Variants in MMP20 observed in about 807,000 individuals in gnomAD.
MMP20 encodes matrix metalloproteinase-20.
MMP20 carries 50 observed loss-of-function variants against 51.8 expected under a neutral mutation model. That is an observed-to-expected ratio of 0.97 (90% CI 0.77 to 1.22). The LOEUF is 1.22. Ranked by LOEUF, MMP20 falls within the 50% of genes most tolerant of loss-of-function variation. MMP20 has a pLI of 0.00. For missense variants in MMP20, 663 were observed against 601.4 expected (o/e 1.10, Z -1.07); for synonymous variants, 244 against 216.2 (o/e 1.13, Z -1.13).
chr11:102,588,703 G>C (rs779528315), intron 8 of MMP20, among the ~76,000 whole-genome samples: 10 of 151,448 alleles, frequency 6.6e-5, no homozygotes, highest in Admixed American at 2.0e-4. Context: ...ATTTTTGTGG[G>C]GGCTTGAATT....
At chr11:102,583,311 T>G (rs1474437673) in intron 8 of MMP20, among the ~76,000 whole-genome samples, 2 of 152,196 alleles carry the variant, frequency 1.3e-5, no homozygotes, top group Non-Finnish European at 2.9e-5. Flanking sequence ...TCTCTCTTAT[T>G]TAAACAATTC....
chr11:102,612,191 G>A (rs1185809065), intron 2 of MMP20, among the ~76,000 whole-genome samples: 6 of 152,208 alleles, frequency 3.9e-5, no homozygotes, highest in Non-Finnish European at 7.3e-5. Flanking sequence ...GTGGCCGGGC[G>A]CAGTGGCTCA....
At chr11:102,589,314 C>T (rs1228541103) in intron 8 of MMP20, among the ~76,000 whole-genome samples, 5 of 152,234 alleles carry the variant, frequency 3.3e-5, no homozygotes, top group Non-Finnish European at 5.9e-5. Context: ...TCAGCCATCA[C>T]TTCCTCTAAG....
chr11:102,586,609 C>T (rs890670239), intron 8 of MMP20, among the ~76,000 whole-genome samples: 2 of 151,900 alleles, frequency 1.3e-5, no homozygotes, highest in Non-Finnish European at 2.9e-5. Context: ...GTCAGGAGAT[C>T]GAGACCATCC....
intron 2 of MMP20, among the ~76,000 whole-genome samples, chr11:102,612,664 C>T (rs1449330204): frequency 6.6e-6 from 1 of 151,376 alleles, no homozygotes; most frequent in Non-Finnish European, 1.5e-5. Context: ...TCAGGATTTC[C>T]CCAGGGCTAT....
intron 6 of MMP20, among the ~76,000 whole-genome samples, chr11:102,601,173 C>T (rs796398499): frequency 1.9e-4 from 4 of 21,544 alleles, no homozygotes; most frequent in African/African-American, 5.4e-4. Flanking sequence ...CGCTCTGTCG[C>T]CCAGGCTGGA....
chr11:102,582,009 C>G (rs1859201252), intron 8 of MMP20, among the ~76,000 whole-genome samples: 1 of 152,006 alleles, frequency 6.6e-6, no homozygotes, highest in East Asian at 1.9e-4. Flanking sequence ...ATGTTTATTT[C>G]CTTTGTGGGC....
intron 1 of MMP20, 130 bp from the exon 2 acceptor site, chr11:102,617,189 A>G: frequency 8.8e-7 from 1 of 1,130,198 alleles, no homozygotes; most frequent in Non-Finnish European, 1.3e-6. Context: ...TTATGAAAAA[A>G]GTAGACATAT....
At position 102,577,040 on chromosome 11, in the gene MMP20, T is replaced by C. The variant is rs886835499; in HGVS notation, c.*286A>G. ...ATAAAAATCAAACGGATCAATCTGC[T>C]TCAGTATATTAGGTAAGAAAAAATA... On this transcript the variant is annotated 3_prime_UTR_variant, in exon 10 of 10. Transcript: ENST00000260228. 1 of 378,198 alleles carries C rather than the reference T, an allele frequency of 2.6e-6. No homozygotes were observed. Among genetic ancestry groups the C allele is most frequent in the Non-Finnish European group, 5.0e-6 (1 of 201,840 alleles). The allele number at this position is 378,198 out of a possible 1,614,324, so 23.4% of individuals were successfully genotyped here.
chr11:102,587,571 A>G (rs553627181), intron 8 of MMP20, among the ~76,000 whole-genome samples: 2 of 152,278 alleles, frequency 1.3e-5, no homozygotes, highest in South Asian at 4.1e-4. Context: ...TTATTGTTTC[A>G]TTATTGACTT....
Position 102,606,667 on chromosome 11 carries a change from T to C in MMP20, c.821A>G (p.Lys274Arg). Residue 274 changes from lysine (K) to arginine (R), a missense_variant, in exon 6 of 10, where the codon AAA becomes AGA. By Grantham distance (26) the Lys-to-Arg change is conservative. Transcript: ENST00000260228. ...CAGAGTGGGCTTCCCCAGGAATACT[T>C]TCCGAGGTCCTAGGATTCAAAATGA... ...KGIQALYGPR[K>R]VFLGKPTLPH... is the part of the protein sequence containing the mutation. 6.2e-7 allele frequency: 1 copy of C among 1,614,040 alleles called. No homozygotes were observed. Among genetic ancestry groups the C allele is most frequent in the Non-Finnish European group, 8.5e-7 (1 of 1,179,930 alleles).
chr11:102,621,906 A>G (rs1859755638), intron 1 of MMP20, among the ~76,000 whole-genome samples: 1 of 152,202 alleles, frequency 6.6e-6, no homozygotes, highest in Admixed American at 6.5e-5. Flanking sequence ...GTGTATTTTC[A>G]TTTTCCTTAG....
intron 8 of MMP20, among the ~76,000 whole-genome samples, chr11:102,586,426 A>G (rs114705004): frequency 7.4e-4 from 112 of 152,280 alleles, no homozygotes; most frequent in African/African-American, 2.5e-3. Context: ...ATTTATTGGT[A>G]TACAATTGTT....
intron 8 of MMP20, among the ~76,000 whole-genome samples, chr11:102,580,739 A>G (rs17098669): frequency 0.15 from 22,804 of 152,296 alleles, 1,850 homozygotes; most frequent in Middle Eastern, 0.2. Context: ...TTACCATTTA[A>G]CCATCAAAAG....
chr11:102,578,679 T>C (rs1850107760), intron 9 of MMP20, among the ~76,000 whole-genome samples: 1 of 152,058 alleles, frequency 6.6e-6, no homozygotes, highest in African/African-American at 2.4e-5. Context: ...GAAGTTGCAG[T>C]GAGCAGAGAT....
chr11:102,593,522 T>A lies in MMP20; in HGVS notation c.1164A>T (p.Pro388=). The change falls in exon 8 of 10, where the codon CCA becomes CCT. Residue 388 remains proline (P), a synonymous_variant. Coordinates refer to ENST00000260228, the MANE Select transcript of MMP20 (RefSeq NM_004771.4). ...CAGCATCTATTTGCTGCACGTGCCT[T>A]GGAAATCCAAAGTCATAAATAGTCC... ...PPRTIYDFGF[P]RHVQQIDAAV... 6.2e-7 allele frequency: 1 copy of A among 1,614,210 alleles called. No homozygotes were observed. Among genetic ancestry groups the A allele is most frequent in the African/African-American group, 1.3e-5 (1 of 75,058 alleles).
rs148118105 is a variant in MMP20, at chr11:102,625,164, C to T, written c.126+30G>A. The T allele has an allele frequency of 4.4e-5, 71 of 1,612,744 alleles. No homozygotes were observed. In the East Asian group the frequency reaches 1.5e-3, roughly 35 times the overall value. ...TTTTAGGTTTTCTAGGGCAGAGGAG[C>T]AAGAAGGAATTGGGCAAAAATTCAC... On this transcript the variant is annotated intron_variant, in intron 1 of 9. Transcript: ENST00000260228.
intron 8 of MMP20, 25 bp from the exon 9 acceptor site, chr11:102,579,167 T>C (rs142069906): frequency 6.6e-6 from 10 of 1,518,474 alleles, no homozygotes; most frequent in East Asian, 2.3e-5. Flanking sequence ...ATTTCATAAA[T>C]AATATTACTA....
At chr11:102,600,857 C>T (rs1202468226) in intron 6 of MMP20, among the ~76,000 whole-genome samples, 1 of 152,108 alleles carries the variant, frequency 6.6e-6, no homozygotes, top group African/African-American at 2.4e-5. Context: ...ATATTCCAAA[C>T]TATCCTGGCC....
Sources: gnomAD v4.1 joint callset for allele counts (sites outside exome capture counted in the v4.1 genomes callset) on GRCh38, gnomAD v4.1.1 for gene constraint, MANE v1.5 for transcripts, NCBI Gene and HGNC (gene_info 2026-07-23, HGNC 2026-07-21) for gene names.